MYCBP2: variants seen among roughly 807,000 people sequenced by gnomAD.
MYCBP2 encodes the protein E3 ubiquitin-protein ligase MYCBP2.
A neutral mutation model predicts 525.3 loss-of-function variants in MYCBP2; 120 were observed. The observed-to-expected ratio is 0.23, with a 90% CI of 0.20 to 0.27. The LOEUF (loss-of-function observed/expected upper bound fraction) is 0.27, where lower values mean the gene tolerates loss of function less well. MYCBP2 is among the 10% of genes least tolerant of loss of function. The pLI, the probability that MYCBP2 is intolerant of heterozygous loss-of-function variation, is 1.00. For synonymous variants in MYCBP2, 1,894 were observed against 1,955.8 expected (o/e 0.97, Z 0.83); for missense variants, 4,149 against 5,657.1 (o/e 0.73, Z 8.55).
At chr13:77,096,268 G>A in intron 57 of MYCBP2, 44 bp downstream of exon 57, 4 of 1,577,222 alleles carry the variant, frequency 2.5e-6, no homozygotes, top group East Asian at 2.2e-5. Flanking sequence ...TTTATACAGT[G>A]TATCCATATC....
intron 61 of MYCBP2, among the ~76,000 whole-genome samples, 181 bp downstream of exon 61, chr13:77,088,651 A>G (rs2044798401): frequency 6.6e-6 from 1 of 152,194 alleles, no homozygotes; most frequent in South Asian, 2.1e-4. Context: ...ATGAAATTCT[A>G]AATTCATTTA....
In MYCBP2 at chr13:77,326,393, A is replaced by G. The variant is rs2082312580; in HGVS notation, c.302+81T>C. The G allele has an allele frequency of 7.3e-7, 1 of 1,365,194 alleles. No individual in the cohort carries two copies. Among genetic ancestry groups the G allele is most frequent in the Non-Finnish European group, 9.8e-7 (1 of 1,023,136 alleles). 84.6% of individuals were successfully genotyped at this position (1,365,194 alleles called of 1,614,324 possible). On this transcript the variant is annotated intron_variant, in intron 1 of 82. Transcript: ENST00000544440. The surrounding 1 kb of genome is among the most constrained non-coding windows in gnomAD (Gnocchi z 4.2). The stretch of plus-strand genomic sequence containing the variant: ...TGCGCAGGTACACACACGCAAGCAC[A>G]CACACACGCGGGTGCACGCGCGGCA...
chr13:77,146,046 A>T, intron 48 of MYCBP2, 116 bp downstream of exon 48: 1 of 629,126 alleles, frequency 1.6e-6, no homozygotes, highest in Non-Finnish European at 2.6e-6. Context: ...TCGGCAACCT[A>T]GAAAAATGCT....
intron 18 of MYCBP2, among the ~76,000 whole-genome samples, chr13:77,231,492 C>T (rs574383986): frequency 1.3e-5 from 2 of 152,192 alleles, no homozygotes; most frequent in South Asian, 4.2e-4. Flanking sequence ...AGTGATCCAC[C>T]CCCTCAGCCT....
intron 32 of MYCBP2, 42 bp downstream of exon 32, chr13:77,185,061 A>G (rs553516339): frequency 5.1e-6 from 8 of 1,564,672 alleles, no homozygotes; most frequent in Admixed American, 1.7e-5. Flanking sequence ...GTATTAAGCA[A>G]TATATCAGAT....
rs185423630 is a variant in MYCBP2 at position 77,066,974 on chromosome 13, G to C, written c.12455+607C>G. On this transcript the variant is annotated intron_variant, in intron 71 of 82. Transcript: ENST00000544440. ...ATTTGTAGTCATACTTCTATATTATGCTAACAAGTCATTGTCTATTATATA... is the reference window on the plus strand; with the variant it reads ...ATTTGTAGTCATACTTCTATATTATCCTAACAAGTCATTGTCTATTATATA... Among the ~76,000 whole-genome samples, 12 of 151,990 alleles carry C rather than the reference G, an allele frequency of 7.9e-5. No homozygotes were observed. The East Asian group carries it at 2.3e-3, about 29-fold the overall frequency.
At chr13:77,082,908 C>G in intron 63 of MYCBP2, 124 bp downstream of exon 63, 1 of 839,194 alleles carries the variant, frequency 1.2e-6, no homozygotes, top group Non-Finnish European at 1.8e-6. Flanking sequence ...AGGGAGGCAC[C>G]ATCTATATAA....
At position 77,098,259 on chromosome 13, in the gene MYCBP2, A is replaced by G. The variant is rs201237819; in HGVS notation, c.8895T>C (p.Asn2965=). The change falls in exon 56 of 83, where the codon AAT becomes AAC. Residue 2965 remains asparagine, a synonymous_variant. Transcript: ENST00000544440. ...SEFKSVDEGS[N]KVHFSIGKAP... ...CTTTTCCAATGCTAAAATGAACTTT[A>G]TTTGAACCTTCATCCACACTCTTAA... is the stretch of plus-strand genomic sequence containing the variant. The G allele has an allele frequency of 1.2e-6, 2 of 1,612,856 alleles. No homozygotes were observed. Among genetic ancestry groups the G allele is most frequent in the Non-Finnish European group, 1.7e-6 (2 of 1,179,778 alleles).
chr13:77,224,531 C>T lies in MYCBP2; in HGVS notation c.2859G>A (p.Val953=), dbSNP rs1200093994. 2 of 1,596,448 alleles carry T rather than the reference C, an allele frequency of 1.3e-6. No individual in the cohort carries two copies. The highest frequency in any genetic ancestry group is 1.7e-6 in the Non-Finnish European group (2 of 1,167,376). ...VQVSCGFHHS[V]VLMENGDVYT... is the part of the protein sequence containing the mutation. ...AGACATCTCCATTTTCCATTAAAAC[C>T]ACTGCAACCAAAACACACAGCTTTA... The change falls in exon 20 of 83, where the codon GTG becomes GTA. Residue 953 remains valine, a splice_region_variant and synonymous_variant. Transcript: ENST00000544440.
At chr13:77,266,848 T>A (rs1381826194) in intron 8 of MYCBP2, among the ~76,000 whole-genome samples, 1 of 151,716 alleles carries the variant, frequency 6.6e-6, no homozygotes, top group Non-Finnish European at 1.5e-5. Context: ...GCTCCTCTAT[T>A]TCTGAAATGG....
At chr13:77,076,612 T>A in intron 68 of MYCBP2, 139 bp downstream of exon 68, 1 of 561,176 alleles carries the variant, frequency 1.8e-6, no homozygotes, top group Non-Finnish European at 3.1e-6. Flanking sequence ...AGATAGTTCC[T>A]TCATCTTTCT....
At chr13:77,068,133 AC>A (rs2040504926) in intron 70 of MYCBP2, among the ~76,000 whole-genome samples, 2 of 152,134 alleles carry the variant, frequency 1.3e-5, no homozygotes, top group Admixed American at 1.3e-4. Flanking sequence ...CCATTCTGTA[AC>A]TTCAAAATCT....
chr13:77,121,852 G>T (rs1030751602), intron 54 of MYCBP2, among the ~76,000 whole-genome samples: 2 of 151,888 alleles, frequency 1.3e-5, no homozygotes, highest in African/African-American at 4.8e-5. Flanking sequence ...AAACAAAATG[G>T]ATAACCTATA....
At chr13:77,322,958 A>C (rs1284022132) in intron 1 of MYCBP2, among the ~76,000 whole-genome samples, 1 of 152,210 alleles carries the variant, frequency 6.6e-6, no homozygotes, top group Non-Finnish European at 1.5e-5. Flanking sequence ...ACAGTCACTG[A>C]GACCAAAAAT....
intron 24 of MYCBP2, 22 bp from the exon 25 acceptor site, chr13:77,205,620 A>G: frequency 6.3e-7 from 1 of 1,599,958 alleles, no homozygotes. Flanking sequence ...AAGAAACAAA[A>G]TTTAACTCCT....
intron 15 of MYCBP2, among the ~76,000 whole-genome samples, chr13:77,249,566 T>G (rs1287445573): frequency 6.6e-6 from 1 of 152,134 alleles, no homozygotes; most frequent in Non-Finnish European, 1.5e-5. Flanking sequence ...TTATTTTTAT[T>G]ATATATTTTT....
chr13:77,140,620 T>C (rs757664311), intron 50 of MYCBP2, among the ~76,000 whole-genome samples: 2 of 152,172 alleles, frequency 1.3e-5, no homozygotes, highest in Non-Finnish European at 2.9e-5. Context: ...TTTTGTTCAT[T>C]GTAAATGTTC....
intron 55 of MYCBP2, chr13:77,110,024 GAAC>G (rs2048532613): frequency 6.6e-6 from 1 of 152,076 alleles, no homozygotes; most frequent in Admixed American, 6.6e-5. Flanking sequence ...ATGTGTGTTT[GAAC>G]AACATGAAAT....
chr13:77,174,515 T>C (rs2059426042), intron 36 of MYCBP2, 26 bp from the exon 37 acceptor site: 1 of 1,590,922 alleles, frequency 6.3e-7, no homozygotes, highest in Non-Finnish European at 8.6e-7. Context: ...GTAAAACATC[T>C]TTTATTCACA....
Sources: allele counts gnomAD v4.1 joint callset (sites outside exome capture counted in the v4.1 genomes callset), GRCh38; gene constraint gnomAD v4.1.1; non-coding constraint Gnocchi (gnomAD v3.1); transcripts MANE v1.5; gene names NCBI Gene and HGNC (gene_info 2026-07-23, HGNC 2026-07-21).